ANKRD13C: variants seen among roughly 807,000 people sequenced by gnomAD.
ANKRD13C encodes ankyrin repeat domain 13C.
A neutral mutation model predicts 65.5 loss-of-function variants in ANKRD13C; 16 were observed. The observed-to-expected ratio is 0.24, with a 90% CI of 0.17 to 0.37. The LOEUF is 0.37. Ranked by LOEUF, ANKRD13C falls within the 10% of genes least tolerant of loss-of-function variation. The pLI is 1.00. For missense variants in ANKRD13C, 503 were observed against 655.9 expected (o/e 0.77, Z 2.55); for synonymous variants, 235 against 238.7 (o/e 0.98, Z 0.14).
intron 2 of ANKRD13C, among the ~76,000 whole-genome samples, chr1:70,325,217 A>G (rs1681483075): frequency 6.6e-6 from 1 of 152,162 alleles, no homozygotes; most frequent in Non-Finnish European, 1.5e-5. Context: ...GTTCCCTAAT[A>G]ATTATTCCAA....
intron 2 of ANKRD13C, among the ~76,000 whole-genome samples, chr1:70,325,275 T>C (rs1273082991): frequency 6.6e-6 from 1 of 152,152 alleles, no homozygotes; most frequent in East Asian, 1.9e-4. Flanking sequence ...CCCAAGAACT[T>C]CAAGAGTGAT....
Position 70,296,173 on chromosome 1 carries a change from A to G in ANKRD13C, c.1010T>C (p.Phe337Ser), listed in dbSNP as rs1680075275. The part of the protein sequence containing the change: ...SATLSTKSIS[F>S]TRAQTGWLFR... Reference sequence around the variant, plus strand: ...AAGCCATCCTGTCTGGGCACGCGTGAAAGAAATTGATTTTGTTGATAAAGT... The same window carrying G: ...AAGCCATCCTGTCTGGGCACGCGTGGAAGAAATTGATTTTGTTGATAAAGT... Residue 337 changes from phenylalanine (F) to serine (S), a missense_variant, in exon 8 of 13, where the codon TTC (phenylalanine) becomes TCC (serine). Phe to Ser is a radical substitution (Grantham distance 155, BLOSUM62 -2). Around this residue, in one of 2 missense-constraint regions of ANKRD13C, gnomAD observed 300 missense variants for 478.3 expected, o/e 0.63. Transcript: ENST00000370944. 1 of 1,613,932 alleles carries G rather than the reference A, an allele frequency of 6.2e-7. No individual in the cohort carries two copies.
intron 4 of ANKRD13C, among the ~76,000 whole-genome samples, chr1:70,314,433 C>T (rs1680986572): frequency 6.6e-6 from 1 of 151,296 alleles, no homozygotes. Context: ...CCTTTTTGGT[C>T]AGGCTAGTCT....
At chr1:70,302,452 C>T (rs1212174830) in intron 6 of ANKRD13C, among the ~76,000 whole-genome samples, 4 of 110,668 alleles carry the variant, frequency 3.6e-5, no homozygotes, top group Non-Finnish European at 7.2e-5. Flanking sequence ...ATTGGCCGGG[C>T]GCGGTGGCTC....
chr1:70,292,405 T>C lies in ANKRD13C; in HGVS notation c.1198A>G (p.Met400Val). 5.0e-6 allele frequency: 8 copies of C among 1,584,236 alleles called. No homozygotes were observed. The highest frequency in any genetic ancestry group is 6.8e-6 in the Non-Finnish European group (8 of 1,171,902). ...MESLSKGGNI[M>V]EQNFEPIRRQ... The stretch of plus-strand genomic sequence containing the variant: ...AATTATACCTCAAAATTCTGTTCCA[T>C]TATGTTTCCACCTTTACTCAAACTC... Residue 400 changes from methionine (M) to valine (V), a missense_variant, in exon 9 of 13, where the codon ATG (methionine) becomes GTG (valine). This residue lies in a region of ANKRD13C where 300 missense variants were observed against 478.3 expected (regional missense o/e 0.63). Transcript: ENST00000370944.
chr1:70,337,238 C>T (rs982810036), intron 1 of ANKRD13C, among the ~76,000 whole-genome samples: 1 of 151,932 alleles, frequency 6.6e-6, no homozygotes, highest in South Asian at 2.1e-4. Context: ...CAGCAAAATA[C>T]TATTTTGAGC....
intron 9 of ANKRD13C, among the ~76,000 whole-genome samples, chr1:70,282,102 T>G (rs904109812): frequency 1.4e-5 from 2 of 147,780 alleles, no homozygotes; most frequent in East Asian, 2.1e-4. Context: ...TCACCCAGGC[T>G]GGAGTGTAGT....
At position 70,260,957 on chromosome 1, in the gene ANKRD13C, A is replaced by C. The variant is rs1250141573; in HGVS notation, c.*1760T>G. 6.6e-6 allele frequency: 1 copy of C among 152,118 alleles called. No homozygotes were observed. Among genetic ancestry groups the C allele is most frequent in the African/African-American group, 2.4e-5 (1 of 41,440 alleles). 9.4% of individuals were successfully genotyped at this position (152,118 alleles called of 1,614,324 possible). On this transcript the variant is annotated 3_prime_UTR_variant, in exon 13 of 13. Coordinates refer to ENST00000370944, the MANE Select transcript of ANKRD13C (RefSeq NM_030816.5). ...ATTCCTACAAAGTAAGGGAGCCTAG[A>C]AGCAACAGTGATCACTGCCTTTCAG...
chr1:70,342,455 T>C (rs1327767050), intron 1 of ANKRD13C, among the ~76,000 whole-genome samples: 3 of 152,042 alleles, frequency 2.0e-5, no homozygotes, highest in African/African-American at 7.3e-5. Context: ...GGAGAATCGC[T>C]TGAACCCGGG....
At chr1:70,296,105 T>A in intron 8 of ANKRD13C, 25 bp downstream of exon 8, 1 of 1,606,538 alleles carries the variant, frequency 6.2e-7, no homozygotes, top group East Asian at 2.2e-5. Context: ...ATGCTTAAAG[T>A]TTAAAAATCT....
chr1:70,309,408 T>C (rs1680738420), intron 5 of ANKRD13C, among the ~76,000 whole-genome samples: 1 of 150,386 alleles, frequency 6.6e-6, no homozygotes, highest in Non-Finnish European at 1.5e-5. Flanking sequence ...TTAAGCTTAA[T>C]GTTTTCTATC....
intron 1 of ANKRD13C, among the ~76,000 whole-genome samples, chr1:70,338,973 G>A (rs1385821087): frequency 1.3e-5 from 2 of 152,140 alleles, no homozygotes; most frequent in Non-Finnish European, 2.9e-5. Flanking sequence ...TACAGTCACC[G>A]TACTTTGGAA....
chr1:70,323,636 G>C (rs1265750241), intron 3 of ANKRD13C, among the ~76,000 whole-genome samples: 2 of 150,182 alleles, frequency 1.3e-5, no homozygotes, highest in Admixed American at 1.3e-4. Flanking sequence ...GACAGGGCGA[G>C]ACTCCCTCTC....
At chr1:70,270,505 C>G (rs1317475604) in intron 12 of ANKRD13C, among the ~76,000 whole-genome samples, 1 of 152,192 alleles carries the variant, frequency 6.6e-6, no homozygotes, top group Non-Finnish European at 1.5e-5. Flanking sequence ...TTTCCACAGA[C>G]TGGTGGGGAC....
chr1:70,349,612 A>C lies in ANKRD13C; in HGVS notation c.430+4367T>G, dbSNP rs529427997. On this transcript the variant is annotated intron_variant, in intron 1 of 12. Coordinates refer to ENST00000370944, the MANE Select transcript of ANKRD13C (RefSeq NM_030816.5). ...CTTGCAAATGCACACACACACCAAA[A>C]ATTTTACCAAATCAGTGATAGTTTA... is the stretch of plus-strand genomic sequence containing the variant. 4.6e-5 allele frequency among the ~76,000 whole-genome samples: 7 copies of C among 152,286 alleles called. No homozygotes were observed. The South Asian group carries it at 1.5e-3, about 32-fold the overall frequency.
chr1:70,353,886 T>C (rs1682866135), intron 1 of ANKRD13C, 93 bp downstream of exon 1: 1 of 1,388,236 alleles, frequency 7.2e-7, no homozygotes, highest in African/African-American at 1.5e-5. Context: ...AAAAGAAGAG[T>C]CTGCTGGAGG....
chr1:70,264,192 T>G (rs1678505966), intron 12 of ANKRD13C, among the ~76,000 whole-genome samples: 1 of 151,874 alleles, frequency 6.6e-6, no homozygotes. Context: ...AAGTGAAAAT[T>G]AGGCTGGGCG....
chr1:70,277,519 A>G (rs1679194961), intron 9 of ANKRD13C, among the ~76,000 whole-genome samples: 1 of 152,128 alleles, frequency 6.6e-6, no homozygotes, highest in African/African-American at 2.4e-5. Context: ...AGAAAAAAAA[A>G]ATACAGACAT....
At position 70,343,035 on chromosome 1, in the gene ANKRD13C, G is replaced by A. The variant is rs187100217; in HGVS notation, c.431-6936C>T. On this transcript the variant is annotated intron_variant, in intron 1 of 12. Coordinates refer to ENST00000370944, the MANE Select transcript of ANKRD13C (RefSeq NM_030816.5). Reference sequence around the variant, plus strand: ...CTCAAGAACATAGAGAAAAGAGGGGGTAAAAGCATCAGTACCTACTGAAGT... The same window carrying A: ...CTCAAGAACATAGAGAAAAGAGGGGATAAAAGCATCAGTACCTACTGAAGT... 1.8e-4 allele frequency among the ~76,000 whole-genome samples: 27 copies of A among 152,178 alleles called. No homozygotes were observed. In the East Asian group the frequency reaches 4.1e-3, roughly 23 times the overall value.
Sources: gnomAD v4.1 joint callset for allele counts (sites outside exome capture counted in the v4.1 genomes callset) on GRCh38, gnomAD v4.1.1 for gene constraint, gnomAD v4.1.1 regional missense constraint, MANE v1.5 for transcripts, NCBI Gene and HGNC (gene_info 2026-07-23, HGNC 2026-07-21) for gene names.